The following HDX variants were observed in gnomAD, a reference collection of about 807,000 sequenced individuals.
The protein encoded by HDX is chromosome X open reading frame 43.
Under a neutral mutation model 45.2 loss-of-function variants are expected in HDX, and 19 were observed. The ratio of observed to expected loss-of-function variants is 0.42; its 90% CI spans 0.29 to 0.62. The LOEUF (loss-of-function observed/expected upper bound fraction) is 0.62. Ranked by LOEUF, HDX falls within the 20% of genes least tolerant of loss-of-function variation. The pLI is 0.20. For synonymous variants in HDX, 188 were observed against 172.8 expected, an observed-to-expected ratio of 1.09 and a Z score of -0.69; for missense variants, 532 against 493.9, an observed-to-expected ratio of 1.08 and a Z score of -0.73.
chrX:84,497,375 C>A (rs1164449920), intron 1 of HDX, among the ~76,000 whole-genome samples: 1 of 110,847 alleles, frequency 9.0e-6, no homozygotes, highest in Non-Finnish European at 1.9e-5. Flanking sequence ...ATTAAGCTAG[C>A]CAAATAAGAA....
chrX:84,498,063 A>C (rs1266804631), intron 1 of HDX, among the ~76,000 whole-genome samples: 1 of 111,806 alleles, frequency 8.9e-6, no homozygotes, highest in Non-Finnish European at 1.9e-5. Flanking sequence ...CACCCTGACA[A>C]TAATAGCCTC....
intron 5 of HDX, among the ~76,000 whole-genome samples, chrX:84,380,668 TCAACATTGCTTCATGATAAAA>T (rs2038167336): frequency 9.0e-6 from 1 of 111,112 alleles, no homozygotes; most frequent in Non-Finnish European, 1.9e-5. Context: ...TTGATAAAAT[TCAACATTGCTTCATGATAAAA>T]CAACAGCCAT....
chrX:84,424,749 G>A (rs1204086600), intron 5 of HDX, among the ~76,000 whole-genome samples: 1 of 111,052 alleles, frequency 9.0e-6, no homozygotes, highest in Non-Finnish European at 1.9e-5. Context: ...GGGAAAACCG[G>A]ATATGCATAT....
At chrX:84,483,829 T>C (rs779314532) in intron 2 of HDX, among the ~76,000 whole-genome samples, 11 of 111,962 alleles carry the variant, frequency 9.8e-5, no homozygotes, top group African/African-American at 3.2e-4. Flanking sequence ...AGAAGTGTCT[T>C]GCACCAGATA....
intron 5 of HDX, among the ~76,000 whole-genome samples, chrX:84,380,853 TG>T (rs1277264110): frequency 9.0e-6 from 1 of 110,768 alleles, no homozygotes; most frequent in Non-Finnish European, 1.9e-5. Flanking sequence ...AATATACTAC[TG>T]GAAGTTCTAG....
chrX:84,346,010 G>T (rs2037194073), intron 6 of HDX, among the ~76,000 whole-genome samples: 1 of 111,016 alleles, frequency 9.0e-6, no homozygotes, highest in African/African-American at 3.3e-5. Context: ...TTCTAAATAT[G>T]AATTCTATGT....
intron 2 of HDX, among the ~76,000 whole-genome samples, chrX:84,484,557 T>C (rs761244954): frequency 1.3e-4 from 14 of 111,677 alleles, no homozygotes; most frequent in Non-Finnish European, 1.7e-4. Flanking sequence ...ATGGGGATTA[T>C]GGGAACTATA....
intron 5 of HDX, among the ~76,000 whole-genome samples, chrX:84,408,558 G>T (rs1169068327): frequency 5.4e-5 from 2 of 37,077 alleles, no homozygotes; most frequent in African/African-American, 1.1e-4. Flanking sequence ...CCTCTATTTT[G>T]GTTCCATATA....
intron 4 of HDX, among the ~76,000 whole-genome samples, chrX:84,442,285 T>A (rs968324717): frequency 4.5e-5 from 5 of 111,255 alleles, no homozygotes; most frequent in African/African-American, 1.6e-4. Flanking sequence ...ATTATGCCTA[T>A]TGACAAGGAG....
At chrX:84,459,656 C>G (rs1266681132) in intron 4 of HDX, among the ~76,000 whole-genome samples, 1 of 97,992 alleles carries the variant, frequency 1.0e-5, no homozygotes, top group Non-Finnish European at 2.1e-5. Flanking sequence ...AAAGAGCAAA[C>G]AAAACCCAAA....
Position 84,452,404 on chromosome X carries a change from T to C in HDX, c.1252-11819A>G, listed in dbSNP as rs990346149. Among the ~76,000 whole-genome samples, 4 of 110,280 alleles carry C rather than the reference T, an allele frequency of 3.6e-5. No homozygotes were observed. In the Admixed American group the frequency reaches 3.9e-4, roughly 11 times the overall value. On this transcript the variant is annotated intron_variant, in intron 4 of 10. Coordinates refer to ENST00000373177, the MANE Select transcript of HDX (RefSeq NM_001177479.2). ...AAAAAAAATCAATAAGGCAATGCAA[T>C]TTACAATAACTACAAAAAATAGCTA... is the stretch of plus-strand genomic sequence containing the variant.
intron 8 of HDX, among the ~76,000 whole-genome samples, chrX:84,335,545 G>A (rs773795454): frequency 4.5e-5 from 5 of 111,260 alleles, no homozygotes; most frequent in African/African-American, 1.6e-4. Context: ...GAGAAATTCA[G>A]GCTACAAATG....
intron 4 of HDX, among the ~76,000 whole-genome samples, chrX:84,461,394 C>T (rs1346088915): frequency 9.0e-6 from 1 of 110,854 alleles, no homozygotes; most frequent in Non-Finnish European, 1.9e-5. Flanking sequence ...TCATGCTTGA[C>T]AATATTGCCA....
At chrX:84,381,529 C>T (rs1247312850) in intron 5 of HDX, among the ~76,000 whole-genome samples, 22 of 110,945 alleles carry the variant, frequency 2.0e-4, no homozygotes, top group African/African-American at 7.2e-4. Context: ...ATAGATAACC[C>T]AGAAACAAAT....
chrX:84,374,192 A>C lies in HDX; in HGVS notation c.1306-12580T>G, dbSNP rs865914713. ...AAAGAGAATAAAATACTTAGGAATC[A>C]AACTTACAAGGGATGTGAAGGACCT... On this transcript the variant is annotated intron_variant, in intron 5 of 10. Transcript: ENST00000373177. Among the ~76,000 whole-genome samples, 20 of 111,464 alleles carry C rather than the reference A, an allele frequency of 1.8e-4. No homozygotes were observed. The South Asian group carries it at 1.9e-3, about 10-fold the overall frequency.
At chrX:84,484,736 G>C (rs181724931) in intron 2 of HDX, among the ~76,000 whole-genome samples, 2 of 111,810 alleles carry the variant, frequency 1.8e-5, no homozygotes, top group South Asian at 7.5e-4. Context: ...GTGTGAAATG[G>C]TATCTCATTG....
intron 5 of HDX, among the ~76,000 whole-genome samples, chrX:84,382,030 G>T (rs1174273674): frequency 1.8e-5 from 2 of 111,478 alleles, no homozygotes; most frequent in Non-Finnish European, 3.8e-5. Flanking sequence ...AATTAAAAAT[G>T]GGCAAAAGAT....
intron 8 of HDX, among the ~76,000 whole-genome samples, chrX:84,335,694 T>C (rs1326791657): frequency 9.0e-6 from 1 of 111,189 alleles, no homozygotes; most frequent in African/African-American, 3.3e-5. Context: ...CAATTACTAG[T>C]AGCTATCTAA....
intron 9 of HDX, among the ~76,000 whole-genome samples, chrX:84,332,777 C>G (rs1241496033): frequency 9.0e-6 from 1 of 111,385 alleles, no homozygotes; most frequent in Non-Finnish European, 1.9e-5. Context: ...AAAATACAGT[C>G]AAAATATAGG....
Sources: gnomAD v4.1 joint callset for allele counts (sites outside exome capture counted in the v4.1 genomes callset) on GRCh38, gnomAD v4.1.1 for gene constraint, MANE v1.5 for transcripts, NCBI Gene and HGNC (gene_info 2026-07-23, HGNC 2026-07-21) for gene names.